ZNF680: variants seen among roughly 807,000 people sequenced by gnomAD.
ZNF680 encodes hypothetical protein FLJ90430.
Under a neutral mutation model 12.1 loss-of-function variants are expected in ZNF680, and 6 were observed. That is an observed-to-expected ratio of 0.49 (90% CI 0.27 to 0.98). The LOEUF is 0.98. Ranked by LOEUF, ZNF680 falls within the 50% of genes least tolerant of loss-of-function variation. The pLI, the probability that ZNF680 is intolerant of heterozygous loss-of-function variation, is 0.12. For synonymous variants in ZNF680, 170 were observed against 199.3 expected, an observed-to-expected ratio of 0.85 and a Z score of 1.24; for missense variants, 561 against 616.3, an observed-to-expected ratio of 0.91 and a Z score of 0.95.
At chr7:64,557,989 T>C (rs1238198316) in intron 1 of ZNF680, among the ~76,000 whole-genome samples, 1 of 152,250 alleles carries the variant, frequency 6.6e-6, no homozygotes, top group Non-Finnish European at 1.5e-5. Flanking sequence ...CTCGCACGTT[T>C]ACCCCCAACC....
rs1787489230 is a variant in ZNF680 at position 64,557,562 on chromosome 7, CAAA to C, written c.30+5360_30+5362del. 1.7e-4 allele frequency among the ~76,000 whole-genome samples: 10 copies of C among 58,782 alleles called. No homozygotes were observed. The Admixed American group carries it at 1.7e-3, about 10-fold the overall frequency. The allele number at this position is 58,782 out of a possible 152,430, so 38.6% of individuals were successfully genotyped here. On this transcript the variant is annotated intron_variant, in intron 1 of 3. Transcript: ENST00000309683. ...AGAGCAAGGGTCCGTCTCAAAAAAA[CAAA>C]AAAACAAAAAAAAACAAAACAAAAA... is the stretch of plus-strand genomic sequence containing the variant.
the ZNF680 span, among the ~76,000 whole-genome samples, chr7:64,511,456 C>G: frequency 6.6e-6 from 1 of 151,940 alleles, no homozygotes; most frequent in Non-Finnish European, 1.5e-5. Flanking sequence ...GTGGGCTAAC[C>G]ATGGAAAATA....
Position 64,520,604 on chromosome 7 carries a change from T to C in ZNF680, c.*557A>G, listed in dbSNP as rs551780744. The C allele has an allele frequency of 1.3e-5, 2 of 152,018 alleles. No homozygotes were observed. Among genetic ancestry groups the C allele is most frequent in the Middle Eastern group, 6.8e-3 (2 of 294 alleles). The allele number at this position is 152,018 out of a possible 1,614,324, so 9.4% of individuals were successfully genotyped here. ...AAATTCATGTTTTCTACGCCGTAGT[T>C]TTTGAAAAAAAATGTTTTTCCAAAT... is the stretch of plus-strand genomic sequence containing the variant. On this transcript the variant is annotated 3_prime_UTR_variant, in exon 4 of 4. Coordinates refer to ENST00000309683, the MANE Select transcript of ZNF680 (RefSeq NM_178558.5).
intron 1 of ZNF680, among the ~76,000 whole-genome samples, chr7:64,545,300 T>G (rs1165585714): frequency 6.8e-6 from 1 of 147,994 alleles, no homozygotes; most frequent in Non-Finnish European, 1.5e-5. Flanking sequence ...AAAGATCCTG[T>G]GTTTTCCCAG....
At position 64,521,062 on chromosome 7, in the gene ZNF680, A is replaced by G; in HGVS notation, c.*99T>C. The G allele has an allele frequency of 2.3e-6, 3 of 1,279,318 alleles. No individual in the cohort carries two copies. The South Asian group carries it at 4.5e-5, about 19-fold the overall frequency. 79.2% of individuals were successfully genotyped at this position (1,279,318 alleles called of 1,614,324 possible). ...AGTTTTCTCCAATATAAATTATCTT[A>G]CCTACAAGCAAGTGTAACAATCATT... On this transcript the variant is annotated 3_prime_UTR_variant, in exon 4 of 4. Transcript: ENST00000309683.
chr7:64,563,015 A>G lies in ZNF680; in HGVS notation c.-61T>C, dbSNP rs1159705565. 2 of 1,593,472 alleles carry G rather than the reference A, an allele frequency of 1.3e-6. No homozygotes were observed. Among genetic ancestry groups the G allele is most frequent in the Non-Finnish European group, 1.7e-6 (2 of 1,162,326 alleles). The stretch of plus-strand genomic sequence containing the variant: ...GAGTCACAGAGGCTGGGCCTCTAGG[A>G]GCAGAATACACAGAGCAGTAAAGAC... On this transcript the variant is annotated 5_prime_UTR_variant, in exon 1 of 4. Coordinates refer to ENST00000309683, the MANE Select transcript of ZNF680 (RefSeq NM_178558.5).
At chr7:64,510,651 C>T in the ZNF680 span, among the ~76,000 whole-genome samples, 1 of 150,952 alleles carries the variant, frequency 6.6e-6, no homozygotes, top group Non-Finnish European at 1.5e-5. Flanking sequence ...TGGTTCACGC[C>T]TGTAATCCCA....
chr7:64,539,359 AAAAAAAAAAAAAAAAAG>A (rs1490476249), intron 3 of ZNF680, among the ~76,000 whole-genome samples: 18 of 136,190 alleles, frequency 1.3e-4, no homozygotes, highest in African/African-American at 4.6e-4. Flanking sequence ...CTCAAAAAAA[AAAAAAAAAAAAAAAAAG>A]AAAAGAAAAT....
chr7:64,554,430 G>A lies in ZNF680; in HGVS notation c.30+8495C>T, dbSNP rs545415840. Among the ~76,000 whole-genome samples the A allele has an allele frequency of 2.1e-3, 323 of 151,672 alleles. 2 individuals are homozygous for A. Among genetic ancestry groups the A allele is most frequent in the African/African-American group, 7.4e-3 (307 of 41,380 alleles). On this transcript the variant is annotated intron_variant, in intron 1 of 3. Coordinates refer to ENST00000309683, the MANE Select transcript of ZNF680 (RefSeq NM_178558.5). ...AGGAGGTGGGGGGCAGCCCCCACCC[G>A]GCCGCTGCCCCGTCTGGGAGGTGGG...
chr7:64,509,784 G>A, the ZNF680 span, among the ~76,000 whole-genome samples: 1 of 151,978 alleles, frequency 6.6e-6, no homozygotes, highest in Non-Finnish European at 1.5e-5. Flanking sequence ...TAAAGGTCAC[G>A]CTTGTATCCA....
chr7:64,558,628 G>A (rs370497919), intron 1 of ZNF680, among the ~76,000 whole-genome samples: 3 of 152,102 alleles, frequency 2.0e-5, no homozygotes, highest in Non-Finnish European at 4.4e-5. Context: ...GATTGGGAGG[G>A]TCTTACTGAA....
chr7:64,546,411 G>A (rs2116502013), intron 1 of ZNF680, among the ~76,000 whole-genome samples: 1 of 152,260 alleles, frequency 6.6e-6, no homozygotes, highest in Non-Finnish European at 1.5e-5. Context: ...TACAAGAAGA[G>A]ATTCGGGAAC....
At chr7:64,545,829 G>A (rs1215651320) in intron 1 of ZNF680, among the ~76,000 whole-genome samples, 1 of 152,138 alleles carries the variant, frequency 6.6e-6, no homozygotes, top group Non-Finnish European at 1.5e-5. Flanking sequence ...AACACAGATG[G>A]ATCCTCAACA....
intron 3 of ZNF680, chr7:64,526,223 T>C: frequency 6.7e-6 from 7 of 1,049,618 alleles, no homozygotes; most frequent in Middle Eastern, 4.2e-4. Context: ...TAGAGGTTAC[T>C]TGTAGATGAA....
intron 1 of ZNF680, among the ~76,000 whole-genome samples, chr7:64,549,964 C>A (rs552082154): frequency 4.6e-5 from 7 of 152,238 alleles, no homozygotes; most frequent in Admixed American, 3.9e-4. Flanking sequence ...GCCTGGGCGA[C>A]AAGAACAAGA....
rs1266549529 is a variant in ZNF680 at position 64,522,433 on chromosome 7, C to A, written c.321G>T (p.Val107=). ...EHSIKDSFQK[V]ILRGYGKCGH... is the part of the protein sequence containing the mutation. ...CACATTTTCCATATCCTCTCAGTAT[C>A]ACTTTTTGAAAAGAATCTTTTATGC... The change falls in exon 4 of 4, where the codon GTG becomes GTT. Residue 107 remains valine, a synonymous_variant. Transcript: ENST00000309683. 2 of 1,602,018 alleles carry A rather than the reference C, an allele frequency of 1.2e-6. No individual in the cohort carries two copies. Among genetic ancestry groups the A allele is most frequent in the Admixed American group, 1.7e-5 (1 of 57,836 alleles).
At chr7:64,549,309 G>A (rs772518105) in intron 1 of ZNF680, among the ~76,000 whole-genome samples, 1 of 152,102 alleles carries the variant, frequency 6.6e-6, no homozygotes, top group African/African-American at 2.4e-5. Context: ...TCACTCCTAA[G>A]ATGCTTGTTT....
At chr7:64,503,702 TAAG>T in the ZNF680 span, among the ~76,000 whole-genome samples, 8 of 152,172 alleles carry the variant, frequency 5.3e-5, no homozygotes, top group Non-Finnish European at 1.2e-4. Context: ...TTTGTCTGCT[TAAG>T]AAGACTTAAT....
the ZNF680 span, chr7:64,501,506 G>C: frequency 1.2e-6 from 1 of 802,342 alleles, no homozygotes; most frequent in Non-Finnish European, 2.2e-6. Context: ...TAGAGATGAA[G>C]AACGGTAAGT....
Sources: gnomAD v4.1 joint callset for allele counts (sites outside exome capture counted in the v4.1 genomes callset) on GRCh38, gnomAD v4.1.1 for gene constraint, MANE v1.5 for transcripts, NCBI Gene and HGNC (gene_info 2026-07-23, HGNC 2026-07-21) for gene names.